Variants in DCC observed in about 807,000 individuals in gnomAD.
The protein encoded by DCC is netrin receptor DCC.
DCC carries 58 observed loss-of-function variants against 172.5 expected under a neutral mutation model. That is an observed-to-expected ratio of 0.34 (90% CI 0.27 to 0.42). DCC has a LOEUF of 0.42. Among genes scored for constraint, DCC ranks in the 10% least tolerant of loss-of-function variants. The pLI is 1.00. For missense variants in DCC, 1,740 were observed against 1,791.0 expected, an observed-to-expected ratio of 0.97 and a Z score of 0.51; for synonymous variants, 709 against 644.5, an observed-to-expected ratio of 1.10 and a Z score of -1.52.
At chr18:52,900,560 T>C (rs1254578806) in intron 2 of DCC, among the ~76,000 whole-genome samples, 9 of 152,218 alleles carry the variant, frequency 5.9e-5, no homozygotes. Flanking sequence ...TAATCACTTA[T>C]AAAATTTGAA....
In DCC at chr18:53,486,814, C is replaced by T; in HGVS notation, c.3754C>T (p.Pro1252Ser). The T allele has an allele frequency of 6.2e-7, 1 of 1,614,062 alleles. No homozygotes were observed. Among genetic ancestry groups the T allele is most frequent in the African/African-American group, 1.3e-5 (1 of 75,018 alleles). ...TTTTGCAGCTGTCGTGAGCGCCATC[C>T]CGGTGCCAACGCTAGAAAGTGCCCA... The part of the protein sequence containing the change: ...SNNPAVVSAI[P>S]VPTLESAQYP... The change falls in exon 26 of 29, where the codon CCG becomes TCG. Residue 1252 changes from proline (P) to serine (S), a missense_variant. Pro to Ser is a moderately conservative substitution (Grantham distance 74, BLOSUM62 -1). Around this residue, in one of 2 missense-constraint regions of DCC, gnomAD observed 1,732 missense variants for 1,767.4 expected, o/e 0.98. Transcript: ENST00000442544.
chr18:52,392,525 T>A (rs144467305), intron 1 of DCC, among the ~76,000 whole-genome samples: 1 of 152,252 alleles, frequency 6.6e-6, no homozygotes, highest in Non-Finnish European at 1.5e-5. Flanking sequence ...TTATGTACAA[T>A]GCAAGTTGAT....
At chr18:52,637,759 G>T in intron 1 of DCC, among the ~76,000 whole-genome samples, 1 of 152,102 alleles carries the variant, frequency 6.6e-6, no homozygotes, top group Non-Finnish European at 1.5e-5. Context: ...AATAATAGAG[G>T]AAAACTTCCC....
intron 12 of DCC, among the ~76,000 whole-genome samples, chr18:53,252,299 A>T (rs1164235391): frequency 6.6e-6 from 1 of 151,930 alleles, no homozygotes; most frequent in Non-Finnish European, 1.5e-5. Flanking sequence ...GAGACAGAAT[A>T]AAATAGAAAT....
rs114983900 is a variant in DCC at position 52,646,955 on chromosome 18, C to T, written c.92-105099C>T. ...TTAGGAGGCCCACTCCAAGACACTTCGATAGCATGAAATCAGGTGTGATGG... is the reference window on the plus strand; with the variant it reads ...TTAGGAGGCCCACTCCAAGACACTTTGATAGCATGAAATCAGGTGTGATGG... On this transcript the variant is annotated intron_variant, in intron 1 of 28. Transcript: ENST00000442544. 5.2e-3 allele frequency among the ~76,000 whole-genome samples: 797 copies of T among 152,208 alleles called. 10 individuals carry two copies. Among genetic ancestry groups the T allele is most frequent in the African/African-American group, 0.018 (758 of 41,526 alleles).
chr18:53,010,685 C>T (rs536223317), intron 5 of DCC, among the ~76,000 whole-genome samples: 4 of 150,522 alleles, frequency 2.7e-5, no homozygotes, highest in Admixed American at 2.7e-4. Context: ...TATTTAGGTA[C>T]ATACATAATA....
intron 1 of DCC, among the ~76,000 whole-genome samples, chr18:52,372,163 G>A (rs1481556579): frequency 6.6e-6 from 1 of 152,210 alleles, no homozygotes; most frequent in Non-Finnish European, 1.5e-5. Context: ...ACTACAAAGA[G>A]CTGGATATCT....
chr18:52,423,701 T>C (rs1987328476), intron 1 of DCC, among the ~76,000 whole-genome samples: 2 of 152,126 alleles, frequency 1.3e-5, no homozygotes, highest in South Asian at 4.1e-4. Context: ...TCAGCTGTTG[T>C]GGTTTATGGC....
At chr18:52,424,849 A>C (rs935197897) in intron 1 of DCC, among the ~76,000 whole-genome samples, 2 of 152,014 alleles carry the variant, frequency 1.3e-5, no homozygotes, top group African/African-American at 4.8e-5. Context: ...TTATTGCCAA[A>C]GTATCTTATT....
Position 53,315,069 on chromosome 18 carries a change from C to T in DCC, c.2054-6978C>T, listed in dbSNP as rs151322702. Among the ~76,000 whole-genome samples the T allele has an allele frequency of 8.4e-3, 1,276 of 152,156 alleles. 50 individuals carry two copies. The East Asian group carries it at 0.086, about 10-fold the overall frequency. On this transcript the variant is annotated intron_variant, in intron 13 of 28. Coordinates refer to ENST00000442544, the MANE Select transcript of DCC (RefSeq NM_005215.4). ...GTGGTGGTTTGCTGCACCCATTAACCCGTCATCTACATTAGGTATTTCTCC... is the reference window on the plus strand; with the variant it reads ...GTGGTGGTTTGCTGCACCCATTAACTCGTCATCTACATTAGGTATTTCTCC...
intron 2 of DCC, among the ~76,000 whole-genome samples, chr18:52,856,285 A>T (rs183236734): frequency 6.6e-6 from 1 of 152,190 alleles, no homozygotes; most frequent in East Asian, 1.9e-4. Flanking sequence ...ATGTCTTTTT[A>T]AGATGTTTAT....
intron 3 of DCC, among the ~76,000 whole-genome samples, chr18:52,913,267 A>G (rs1219615990): frequency 2.0e-5 from 3 of 152,100 alleles, no homozygotes; most frequent in African/African-American, 7.2e-5. Context: ...TTCAGATGTA[A>G]CAAAGCCTAA....
chr18:52,536,845 G>A (rs983624202), intron 1 of DCC, among the ~76,000 whole-genome samples: 1 of 152,134 alleles, frequency 6.6e-6, no homozygotes, highest in African/African-American at 2.4e-5. Flanking sequence ...ATAAATTTTT[G>A]CAGAGAAGTT....
At chr18:53,449,210 G>C (rs1263875769) in intron 22 of DCC, among the ~76,000 whole-genome samples, 1 of 152,176 alleles carries the variant, frequency 6.6e-6, no homozygotes, top group African/African-American at 2.4e-5. Context: ...TAAATTATTT[G>C]TAAATAATAT....
chr18:52,623,296 A>C (rs904846763), intron 1 of DCC, among the ~76,000 whole-genome samples: 2 of 152,238 alleles, frequency 1.3e-5, no homozygotes, highest in African/African-American at 4.8e-5. Flanking sequence ...AAGAAGGAAT[A>C]ATCAGCAGAA....
At chr18:53,264,431 G>A (rs1260153817) in intron 12 of DCC, among the ~76,000 whole-genome samples, 2 of 146,778 alleles carry the variant, frequency 1.4e-5, no homozygotes, top group African/African-American at 5.2e-5. Flanking sequence ...AGCTGAGATT[G>A]CGCCACTGCA....
chr18:52,669,845 A>AAAAACAAAAC (rs906701436), intron 1 of DCC, among the ~76,000 whole-genome samples: 1 of 150,522 alleles, frequency 6.6e-6, no homozygotes, highest in Non-Finnish European at 1.5e-5. Flanking sequence ...AAGCGTTTGA[A>AAAAACAAAAC]AAAACAAAAC....
chr18:52,622,979 C>T (rs1002114662), intron 1 of DCC, among the ~76,000 whole-genome samples: 9 of 152,244 alleles, frequency 5.9e-5, no homozygotes, highest in African/African-American at 1.9e-4. Flanking sequence ...AACATAGGGG[C>T]TTATTTTATC....
At chr18:53,221,341 A>T (rs2055929806) in intron 12 of DCC, among the ~76,000 whole-genome samples, 2 of 152,074 alleles carry the variant, frequency 1.3e-5, no homozygotes. Context: ...CCACACAGTC[A>T]TAGATGTTTG....
Sources: gnomAD v4.1 joint callset for allele counts (sites outside exome capture counted in the v4.1 genomes callset) on GRCh38, gnomAD v4.1.1 for gene constraint, gnomAD v4.1.1 regional missense constraint, MANE v1.5 for transcripts, NCBI Gene and HGNC (gene_info 2026-07-23, HGNC 2026-07-21) for gene names.